Variants in TYW3 observed in about 807,000 individuals in gnomAD.
The protein encoded by TYW3 is tRNA wybutosine-synthesizing protein 3 homolog.
In TYW3, 26 loss-of-function variants were observed where a neutral mutation model predicts 23.1. The observed-to-expected ratio is 1.13, with a 90% CI of 0.83 to 1.56. The LOEUF is 1.56. TYW3 is among the 40% of genes most tolerant of loss of function. The pLI is 0.00. For missense variants in TYW3, 316 were observed against 311.9 expected (o/e 1.01, Z -0.10); for synonymous variants, 102 against 105.7 (o/e 0.97, Z 0.21).
At chr1:74,741,511 T>G (rs555505573) in intron 3 of TYW3, among the ~76,000 whole-genome samples, 1 of 152,152 alleles carries the variant, frequency 6.6e-6, no homozygotes, top group East Asian at 1.9e-4. Flanking sequence ...AGTATGGTCC[T>G]TCCCACAAAG....
Position 74,764,231 on chromosome 1 carries a change from G to A in TYW3, c.*118G>A, listed in dbSNP as rs527840731. On this transcript the variant is annotated 3_prime_UTR_variant, in exon 6 of 6. Coordinates refer to ENST00000370867, the MANE Select transcript of TYW3 (RefSeq NM_138467.3). Reference sequence around the variant, plus strand: ...GCCATTCATAAGCCAGTAATGACAAGTGCAGAGCTTCAAACTATAACTTTG... The same window carrying A: ...GCCATTCATAAGCCAGTAATGACAAATGCAGAGCTTCAAACTATAACTTTG... The A allele has an allele frequency of 3.5e-6, 3 of 851,306 alleles. No homozygotes were observed. Among genetic ancestry groups the A allele is most frequent in the African/African-American group, 1.7e-5 (1 of 58,356 alleles). 52.7% of individuals were successfully genotyped at this position (851,306 alleles called of 1,614,324 possible).
rs200273618 is a variant in TYW3 at position 74,747,874 on chromosome 1, TAC to T, written c.355-869_355-868del. Among the ~76,000 whole-genome samples, 326 of 116,258 alleles carry T rather than the reference TAC, an allele frequency of 2.8e-3. 3 individuals are homozygous for T. The highest frequency in any genetic ancestry group is 8.3e-3 in the African/African-American group (296 of 35,820). The allele number at this position is 116,258 out of a possible 152,430, so 76.3% of individuals were successfully genotyped here. On this transcript the variant is annotated intron_variant, in intron 3 of 5. Transcript: ENST00000370867. ...ACACATATGTATGTATACATACACA[TAC>T]ACACACATATACACATATACACACA...
chr1:74,733,465 C>G (rs751719382), intron 1 of TYW3, 47 bp downstream of exon 1: 6 of 1,605,246 alleles, frequency 3.7e-6, no homozygotes, highest in East Asian at 4.5e-5. Flanking sequence ...TAGTGCGAAA[C>G]TTCAGGAGCC....
At chr1:74,760,036 G>A (rs1055730352) in intron 5 of TYW3, among the ~76,000 whole-genome samples, 14 of 152,276 alleles carry the variant, frequency 9.2e-5, no homozygotes, top group Admixed American at 2.0e-4. Context: ...ATTAGCACAT[G>A]TATTGTATGT....
chr1:74,749,156 G>A (rs1648691005), intron 4 of TYW3, among the ~76,000 whole-genome samples: 1 of 152,210 alleles, frequency 6.6e-6, no homozygotes, highest in African/African-American at 2.4e-5. Flanking sequence ...GATACCTGCT[G>A]GATCACAGCT....
At position 74,764,679 on chromosome 1, in the gene TYW3, A is replaced by C. The variant is rs1649244526; in HGVS notation, c.*566A>C. On this transcript the variant is annotated 3_prime_UTR_variant, in exon 6 of 6. Transcript: ENST00000370867. ...AACTTTTAAGTATCACTTCAATAAT[A>C]CGTATTATTATAGGAACAAAGATTT... The C allele has an allele frequency of 6.6e-6, 1 of 152,192 alleles. No individual in the cohort carries two copies. The highest frequency in any genetic ancestry group is 6.6e-5 in the Admixed American group (1 of 15,260). The allele number at this position is 152,192 out of a possible 1,614,324, so 9.4% of individuals were successfully genotyped here.
chr1:74,735,487 G>T (rs746736158), intron 1 of TYW3, among the ~76,000 whole-genome samples: 16 of 152,040 alleles, frequency 1.1e-4, no homozygotes, highest in South Asian at 6.2e-4. Context: ...CTTACACCTC[G>T]TATTATGGTT....
intron 4 of TYW3, chr1:74,751,232 CAG>C (rs1491511770): frequency 6.6e-6 from 1 of 151,994 alleles, no homozygotes; most frequent in African/African-American, 2.4e-5. Context: ...ATTTTCTTGC[CAG>C]TGTGTGTGTA....
intron 3 of TYW3, among the ~76,000 whole-genome samples, chr1:74,740,702 G>A (rs1044711598): frequency 7.2e-5 from 11 of 152,162 alleles, no homozygotes; most frequent in Admixed American, 2.0e-4. Flanking sequence ...AGTGCTGATT[G>A]GTGCGTTTAC....
rs975433188 is a variant in TYW3, at chr1:74,764,313, A to G, written c.*200A>G. The G allele has an allele frequency of 8.6e-6, 4 of 463,856 alleles. No homozygotes were observed. Among genetic ancestry groups the G allele is most frequent in the African/African-American group, 6.0e-5 (3 of 49,912 alleles). The allele number at this position is 463,856 out of a possible 1,614,324, so 28.7% of individuals were successfully genotyped here. A position where few individuals can be genotyped will look rare whatever the true frequency, so the allele number is the denominator to read the frequency against. On this transcript the variant is annotated 3_prime_UTR_variant, in exon 6 of 6. Coordinates refer to ENST00000370867, the MANE Select transcript of TYW3 (RefSeq NM_138467.3). The stretch of plus-strand genomic sequence containing the variant: ...CTCTCAGCAGTACCCGGCTTATCCT[A>G]CGACTTCACCTGAAATGCTATAGTT...
chr1:74,750,800 CTTTTTTTTTTTTT>C (rs34468239), intron 4 of TYW3, among the ~76,000 whole-genome samples: 3 of 67,654 alleles, frequency 4.4e-5, no homozygotes, highest in Admixed American at 2.3e-4. Context: ...TCCCCCGCTC[CTTTTTTTTTTTTT>C]TTTTTTTTTT....
rs577042178 is a variant in TYW3 at position 74,738,232 on chromosome 1, C to T, written c.256-458C>T. 2.4e-4 allele frequency among the ~76,000 whole-genome samples: 37 copies of T among 152,186 alleles called. 1 individual carries two copies. The highest frequency in any genetic ancestry group is 2.1e-4 in the Non-Finnish European group (14 of 68,034). On this transcript the variant is annotated intron_variant, in intron 2 of 5. Coordinates refer to ENST00000370867, the MANE Select transcript of TYW3 (RefSeq NM_138467.3). Reference sequence around the variant, plus strand: ...GCATGCACTGCTATTTGTGAGCTTACTAGTGCTGCTGGTAAGCACTGGTGC... The same window carrying T: ...GCATGCACTGCTATTTGTGAGCTTATTAGTGCTGCTGGTAAGCACTGGTGC...
At chr1:74,747,315 A>T (rs891662406) in intron 3 of TYW3, among the ~76,000 whole-genome samples, 1 of 152,224 alleles carries the variant, frequency 6.6e-6, no homozygotes, top group Non-Finnish European at 1.5e-5. Context: ...TTGAGCAGCT[A>T]GATAGATGAT....
In TYW3 at chr1:74,733,168, C is replaced by A; in HGVS notation, c.-77C>A. 6.6e-7 allele frequency: 1 copy of A among 1,526,400 alleles called. No individual in the cohort carries two copies. Among genetic ancestry groups the A allele is most frequent in the Admixed American group, 2.2e-5 (1 of 45,132 alleles). The allele number at this position is 1,526,400 out of a possible 1,614,324, so 94.6% of individuals were successfully genotyped here. ...AGTTTGGACCTTTTCGGCCACCGCT[C>A]GCTTCAATATGGCTGCCCCCAGGGA... On this transcript the variant is annotated 5_prime_UTR_variant, in exon 1 of 6. Transcript: ENST00000370867.
chr1:74,742,847 C>T (rs1648411903), intron 3 of TYW3, among the ~76,000 whole-genome samples: 1 of 152,188 alleles, frequency 6.6e-6, no homozygotes, highest in Non-Finnish European at 1.5e-5. Context: ...TACCTGGTTA[C>T]AGGCTGTCCC....
Position 74,760,090 on chromosome 1 carries a change from GA to G in TYW3, c.561-3799del, listed in dbSNP as rs540177627. On this transcript the variant is annotated intron_variant, in intron 5 of 5. Transcript: ENST00000370867. ...TATTCTTACAATAAAGTAAGCTAGA[GA>G]AAAATGTTATTAAGAAAATCATAAG... 5.3e-5 allele frequency among the ~76,000 whole-genome samples: 8 copies of G among 152,272 alleles called. No individual in the cohort carries two copies. In the South Asian group the frequency reaches 1.7e-3, roughly 32 times the overall value.
chr1:74,733,326 G>T lies in TYW3; in HGVS notation c.82G>T (p.Glu28Ter). ...CCTCAGCCGGAAGGGCAGTGTTGAC[G>T]AGGATGTGGTAGAGCTTGTGCAGTT... ...ADLSRKGSVD[E>*]DVVELVQFLN... Residue 28 changes from glutamate to a stop codon, truncating the protein, a stop_gained, in exon 1 of 6, where the codon GAG (glutamate) becomes TAG (stop). Coordinates refer to ENST00000370867, the MANE Select transcript of TYW3 (RefSeq NM_138467.3). LOFTEE classifies it high-confidence loss of function. 6.2e-7 allele frequency: 1 copy of T among 1,614,198 alleles called. No homozygotes were observed. The highest frequency in any genetic ancestry group is 8.5e-7 in the Non-Finnish European group (1 of 1,180,030).
At chr1:74,743,421 C>T (rs1433626454) in intron 3 of TYW3, among the ~76,000 whole-genome samples, 1 of 152,122 alleles carries the variant, frequency 6.6e-6, no homozygotes, top group Non-Finnish European at 1.5e-5. Context: ...TTGGAGCTTT[C>T]TTCTGATACC....
chr1:74,738,832 G>C lies in TYW3; in HGVS notation c.354+44G>C, dbSNP rs766527082. On this transcript the variant is annotated intron_variant, in intron 3 of 5. Transcript: ENST00000370867. ...TGTACTTGAATTTATAGATATGTGG[G>C]TAGATGTAATTTTAAGCTTTTAACC... The C allele has an allele frequency of 2.5e-5, 37 of 1,471,758 alleles. No homozygotes were observed. The East Asian group carries it at 8.5e-4, about 34-fold the overall frequency. The allele number at this position is 1,471,758 out of a possible 1,614,324, so 91.2% of individuals were successfully genotyped here.
Sources: allele counts gnomAD v4.1 joint callset (sites outside exome capture counted in the v4.1 genomes callset), GRCh38; gene constraint gnomAD v4.1.1; transcripts MANE v1.5; gene names NCBI Gene and HGNC (gene_info 2026-07-23, HGNC 2026-07-21).